CCDC102B: variants seen among roughly 807,000 people sequenced by gnomAD.
CCDC102B encodes coiled-coil domain containing 102B.
In CCDC102B, 75 loss-of-function variants were observed where a neutral mutation model predicts 57.4. The ratio of observed to expected loss-of-function variants is 1.31; its 90% CI spans 1.08 to 1.58. CCDC102B has a LOEUF of 1.58. Among genes scored for constraint, CCDC102B ranks in the 40% most tolerant of loss-of-function variants. The pLI is 0.00. For missense variants in CCDC102B, 636 were observed against 582.6 expected (o/e 1.09, Z -0.94); for synonymous variants, 206 against 201.9 (o/e 1.02, Z -0.17).
At chr18:68,717,086 A>T (rs768122905) in intron 2 of CCDC102B, among the ~76,000 whole-genome samples, 4 of 151,292 alleles carry the variant, frequency 2.6e-5, no homozygotes, top group African/African-American at 9.8e-5. Flanking sequence ...CAAAAAAAAA[A>T]AAAAAAAATT....
At chr18:68,802,367 A>T (rs2035885440) in intron 1 of CCDC102B, among the ~76,000 whole-genome samples, 1 of 152,354 alleles carries the variant, frequency 6.6e-6, no homozygotes, top group South Asian at 2.1e-4. Context: ...GATTGCATGG[A>T]TTAAAAACAT....
chr18:68,974,932 C>T (rs1312830800), intron 6 of CCDC102B, among the ~76,000 whole-genome samples: 1 of 151,622 alleles, frequency 6.6e-6, no homozygotes, highest in South Asian at 2.1e-4. Flanking sequence ...TTTACATAGG[C>T]TTTTTTAAAT....
At chr18:68,873,025 A>T (rs1447187063) in intron 4 of CCDC102B, among the ~76,000 whole-genome samples, 1 of 152,142 alleles carries the variant, frequency 6.6e-6, no homozygotes, top group Non-Finnish European at 1.5e-5. Context: ...TTCAGAGGTT[A>T]AACGGGGGCA....
At chr18:68,867,600 GT>G (rs1748666466) in intron 4 of CCDC102B, among the ~76,000 whole-genome samples, 3 of 152,078 alleles carry the variant, frequency 2.0e-5, no homozygotes, top group Admixed American at 1.3e-4. Context: ...GAGAGAGGAG[GT>G]GTGGAAGGGA....
chr18:68,983,181 A>G (rs1053607970), intron 6 of CCDC102B, among the ~76,000 whole-genome samples: 1 of 151,598 alleles, frequency 6.6e-6, no homozygotes, highest in Non-Finnish European at 1.5e-5. Flanking sequence ...AGTATCATTT[A>G]TATAATTTGG....
chr18:68,743,615 T>A (rs527615136), intron 2 of CCDC102B, among the ~76,000 whole-genome samples: 1 of 152,210 alleles, frequency 6.6e-6, no homozygotes, highest in Non-Finnish European at 1.5e-5. Context: ...GACCTATCAG[T>A]TGCCTTTAAA....
At position 68,913,310 on chromosome 18, in the gene CCDC102B, C is replaced by CTGTGTGTGTGTGTGTGTGTG. The variant is rs57064090; in HGVS notation, c.1263+15897_1263+15916dup. On this transcript the variant is annotated intron_variant, in intron 6 of 7. Coordinates refer to ENST00000360242, the MANE Select transcript of CCDC102B (RefSeq NM_024781.3). ...TAATTTTCCATTGGATGGTTAGTGT[C>CTGTGTGTGTGTGTGTGTGTG]TGTGTGTGTGTGTGTGTGTGTGTGT... 2.7e-3 allele frequency among the ~76,000 whole-genome samples: 367 copies of CTGTGTGTGTGTGTGTGTGTG among 135,584 alleles called. 3 individuals are homozygous for CTGTGTGTGTGTGTGTGTGTG. The highest frequency in any genetic ancestry group is 7.0e-3 in the East Asian group (30 of 4,296). 88.9% of individuals were successfully genotyped at this position (135,584 alleles called of 152,430 possible).
chr18:68,730,129 G>A (rs893403504), intron 2 of CCDC102B, among the ~76,000 whole-genome samples: 14 of 152,076 alleles, frequency 9.2e-5, no homozygotes, highest in African/African-American at 3.4e-4. Context: ...TATAAATACA[G>A]TAAACTTAAG....
chr18:68,987,655 T>C (rs1268379431), intron 6 of CCDC102B, among the ~76,000 whole-genome samples: 2 of 152,176 alleles, frequency 1.3e-5, no homozygotes, highest in African/African-American at 4.8e-5. Flanking sequence ...GCTATGCATC[T>C]GACAAAGGTC....
chr18:68,733,996 AAAC>A (rs1442011865), intron 2 of CCDC102B, among the ~76,000 whole-genome samples: 5 of 152,164 alleles, frequency 3.3e-5, no homozygotes, highest in Non-Finnish European at 7.3e-5. Context: ...GCAAATGGGG[AAAC>A]AACAGTCTAC....
chr18:68,791,834 G>C (rs2035472270), intron 2 of CCDC102B, among the ~76,000 whole-genome samples: 1 of 152,174 alleles, frequency 6.6e-6, no homozygotes, highest in South Asian at 2.1e-4. Context: ...CAGCTGCTGA[G>C]TAGCAGAACT....
Position 69,010,985 on chromosome 18 carries a change from G to T in CCDC102B, c.1315G>T (p.Ala439Ser). 6.2e-7 allele frequency: 1 copy of T among 1,613,164 alleles called. No homozygotes were observed. The highest frequency in any genetic ancestry group is 1.3e-5 in the African/African-American group (1 of 74,986). The change falls in exon 7 of 8, where the codon GCA becomes TCA. Residue 439 changes from alanine (A) to serine (S), a missense_variant. Coordinates refer to ENST00000360242, the MANE Select transcript of CCDC102B (RefSeq NM_024781.3). ...AYYKLNRQYQANIAELTHANN... is the reference protein window; with the variant it reads ...AYYKLNRQYQSNIAELTHANN... ...CTATAAACTAAACAGACAATACCAG[G>T]CAAATATTGCAGAACTGACTCATGC... is the stretch of plus-strand genomic sequence containing the variant.
At chr18:68,853,411 A>C (rs2038222253) in intron 4 of CCDC102B, among the ~76,000 whole-genome samples, 1 of 152,012 alleles carries the variant, frequency 6.6e-6, no homozygotes, top group Non-Finnish European at 1.5e-5. Flanking sequence ...GTCTGGAAAA[A>C]AGACTAAATG....
chr18:68,816,556 C>G (rs1029416268), intron 1 of CCDC102B, among the ~76,000 whole-genome samples: 2 of 149,634 alleles, frequency 1.3e-5, no homozygotes, highest in Non-Finnish European at 3.0e-5. Flanking sequence ...AGCTCCGCCT[C>G]TCGGATTCAC....
At position 68,897,227 on chromosome 18, in the gene CCDC102B, A is replaced by T; in HGVS notation, c.1062A>T (p.Arg354Ser). 1 of 1,611,692 alleles carries T rather than the reference A, an allele frequency of 6.2e-7. No homozygotes were observed. The highest frequency in any genetic ancestry group is 2.2e-5 in the East Asian group (1 of 44,862). ...VICELRAELE[R>S]LQAENTSEWD... ...GTGTTTTCTGTGTGTAGCTAGAGAG[A>T]TTGCAAGCTGAAAATACCTCGGAGT... The change falls in exon 6 of 8, where the codon AGA (arginine) becomes AGT (serine). Residue 354 changes from arginine to serine, a missense_variant. Physicochemically the swap from Arg to Ser is moderately radical, Grantham distance 110. Coordinates refer to ENST00000360242, the MANE Select transcript of CCDC102B (RefSeq NM_024781.3).
chr18:68,948,965 G>A (rs1008803183), intron 6 of CCDC102B, among the ~76,000 whole-genome samples: 2 of 152,142 alleles, frequency 1.3e-5, no homozygotes, highest in African/African-American at 4.8e-5. Context: ...CAAGCTTGAG[G>A]AGCAAGGAGA....
intron 6 of CCDC102B, among the ~76,000 whole-genome samples, chr18:68,915,237 G>A (rs2041027676): frequency 1.3e-5 from 2 of 152,200 alleles, no homozygotes; most frequent in South Asian, 2.1e-4. Context: ...CATGTGCAAG[G>A]AGCAGCAAAA....
intron 1 of CCDC102B, among the ~76,000 whole-genome samples, chr18:68,809,733 T>C (rs946937978): frequency 6.6e-6 from 1 of 152,172 alleles, no homozygotes; most frequent in Admixed American, 6.5e-5. Flanking sequence ...TGGAACATGG[T>C]AGAAATTTGA....
At chr18:68,784,354 C>A (rs147074696) in intron 2 of CCDC102B, among the ~76,000 whole-genome samples, 1 of 150,956 alleles carries the variant, frequency 6.6e-6, no homozygotes, top group African/African-American at 2.5e-5. Flanking sequence ...CCAGATCTCA[C>A]GAGAATTCTT....
Sources: allele counts gnomAD v4.1 joint callset (sites outside exome capture counted in the v4.1 genomes callset), GRCh38; gene constraint gnomAD v4.1.1; transcripts MANE v1.5; gene names NCBI Gene and HGNC (gene_info 2026-07-23, HGNC 2026-07-21).